The following DIP2A variants were observed in gnomAD, a reference collection of about 807,000 sequenced individuals.
The protein encoded by DIP2A is disco-interacting protein 2 homolog A.
Under a neutral mutation model 177.4 loss-of-function variants are expected in DIP2A, and 85 were observed. That is an observed-to-expected ratio of 0.48 (90% CI 0.40 to 0.57). The LOEUF is 0.57. Ranked by LOEUF, DIP2A falls within the 20% of genes least tolerant of loss-of-function variation. DIP2A has a pLI of 0.00. For missense variants in DIP2A, 1,791 were observed against 2,100.2 expected (o/e 0.85, Z 2.88); for synonymous variants, 886 against 881.8 (o/e 1.00, Z -0.08).
intron 21 of DIP2A, among the ~76,000 whole-genome samples, chr21:46,548,716 T>G (rs189575636): frequency 9.2e-5 from 14 of 151,756 alleles, no homozygotes; most frequent in Admixed American, 7.2e-4. Context: ...GGTGTCCAGA[T>G]AGCAGACTCA....
At chr21:46,491,789 C>G (rs2057031657) in intron 3 of DIP2A, among the ~76,000 whole-genome samples, 1 of 152,208 alleles carries the variant, frequency 6.6e-6, no homozygotes, top group East Asian at 1.9e-4. Context: ...CTCCCCAACC[C>G]TGTTCCCTGC....
chr21:46,539,142 C>T (rs1037061081), intron 16 of DIP2A: 7 of 111,070 alleles, frequency 6.3e-5, no homozygotes, highest in African/African-American at 2.5e-4. Flanking sequence ...CTCTGGGGCC[C>T]AGGACTGTCC....
chr21:46,563,806 G>A lies in DIP2A; in HGVS notation c.4090-52G>A. 6.2e-7 allele frequency: 1 copy of A among 1,600,228 alleles called. No homozygotes were observed. The highest frequency in any genetic ancestry group is 8.5e-7 in the Non-Finnish European group (1 of 1,174,002). Reference sequence around the variant, plus strand: ...TTATTTTAATGTCACTGAATCAAGAGAGTCTCGTGTCATGTTTTCTTTAAC... The same window carrying A: ...TTATTTTAATGTCACTGAATCAAGAAAGTCTCGTGTCATGTTTTCTTTAAC... On this transcript the variant is annotated intron_variant, in intron 34 of 37. Transcript: ENST00000417564. The surrounding 1 kb of genome is among the most constrained non-coding windows in gnomAD (Gnocchi z 4.3).
chr21:46,484,811 A>G lies in DIP2A; in HGVS notation c.146A>G (p.Tyr49Cys), dbSNP rs756236572. 2.5e-6 allele frequency: 4 copies of G among 1,585,580 alleles called. No individual in the cohort carries two copies. Among genetic ancestry groups the G allele is most frequent in the Non-Finnish European group, 3.4e-6 (4 of 1,165,470 alleles). ...AAAAGGGCAAAGCTGCTTGCACGTT[A>G]TATACCGCTTATTCAAGGTAAGGTC... ...EKKRAKLLAR[Y>C]IPLIQGIDPS... Residue 49 changes from tyrosine to cysteine, a missense_variant, in exon 2 of 38, where the codon TAT (tyrosine) becomes TGT (cysteine). Tyr to Cys is a radical substitution (Grantham distance 194). Coordinates refer to ENST00000417564, the MANE Select transcript of DIP2A (RefSeq NM_015151.4).
chr21:46,469,077 C>G (rs1282824306), intron 1 of DIP2A: 2 of 152,156 alleles, frequency 1.3e-5, no homozygotes, highest in African/African-American at 4.8e-5. Flanking sequence ...CATTGTATCA[C>G]TCTTGTAGGA....
chr21:46,459,745 C>A (rs1331351641), intron 1 of DIP2A, among the ~76,000 whole-genome samples: 2 of 151,728 alleles, frequency 1.3e-5, no homozygotes, highest in Admixed American at 1.3e-4. Context: ...CCAGGCCCTT[C>A]ACACCTGGGA....
Position 46,537,127 on chromosome 21 carries a change from A to G in DIP2A, c.1643-97A>G. 1 of 1,143,228 alleles carries G rather than the reference A, an allele frequency of 8.7e-7. No homozygotes were observed. The highest frequency in any genetic ancestry group is 1.9e-4 in the Middle Eastern group (1 of 5,170). 70.8% of individuals were successfully genotyped at this position (1,143,228 alleles called of 1,614,324 possible). A position where few individuals can be genotyped will look rare whatever the true frequency, so the allele number is the denominator to read the frequency against. Reference sequence around the variant, plus strand: ...TGCTGTATCTGTTCCTGAAACTTACATGTTGATGACGTACTCACCTCAGAA... The same window carrying G: ...TGCTGTATCTGTTCCTGAAACTTACGTGTTGATGACGTACTCACCTCAGAA... On this transcript the variant is annotated intron_variant, in intron 13 of 37. Transcript: ENST00000417564. The surrounding 1 kb of genome is among the most constrained non-coding windows in gnomAD (Gnocchi z 4.1).
intron 1 of DIP2A, among the ~76,000 whole-genome samples, chr21:46,467,190 G>A (rs1318223334): frequency 6.6e-6 from 1 of 151,334 alleles, no homozygotes; most frequent in African/African-American, 2.4e-5. Context: ...CAGCTGCTCG[G>A]GAGGCTGAGG....
intron 25 of DIP2A, among the ~76,000 whole-genome samples, chr21:46,552,349 C>A (rs2148873460): frequency 6.6e-6 from 1 of 152,308 alleles, no homozygotes; most frequent in Non-Finnish European, 1.5e-5. Context: ...CTGCCCTGCT[C>A]CTGCTGCTGA....
In DIP2A at chr21:46,498,086, G is replaced by C. The variant is rs1038888166; in HGVS notation, c.404-496G>C. ...CCCTGAAAGGATGCATGTAGACAGG[G>C]CTGCGGTTCTCCCATGGCCACCATG... On this transcript the variant is annotated intron_variant, in intron 4 of 37. Transcript: ENST00000417564. The surrounding 1 kb of genome is among the most constrained non-coding windows in gnomAD (Gnocchi z 4.3). Among the ~76,000 whole-genome samples, 1 of 152,186 alleles carries C rather than the reference G, an allele frequency of 6.6e-6. No homozygotes were observed. The highest frequency in any genetic ancestry group is 1.5e-5 in the Non-Finnish European group (1 of 68,038).
intron 1 of DIP2A, among the ~76,000 whole-genome samples, chr21:46,477,131 G>A (rs1222553981): frequency 1.3e-5 from 2 of 152,114 alleles, no homozygotes; most frequent in Non-Finnish European, 2.9e-5. Flanking sequence ...ACCTCCAGTA[G>A]GACCGGTCCG....
At chr21:46,573,138 T>TA (rs111679229), downstream of DIP2A, among the ~76,000 whole-genome samples, 12 of 150,356 alleles carry the variant, frequency 8.0e-5, no homozygotes, top group South Asian at 2.1e-4. Flanking sequence ...AATGTTTCAT[T>TA]AAAAAAAAAC....
At chr21:46,580,503 A>C in the DIP2A span, among the ~76,000 whole-genome samples, 15 of 152,228 alleles carry the variant, frequency 9.9e-5, no homozygotes, top group Non-Finnish European at 1.5e-4. Flanking sequence ...CTAGCTGGTT[A>C]TTTTGCAGAC....
chr21:46,542,234 A>C (rs1305448796), intron 18 of DIP2A, among the ~76,000 whole-genome samples: 1 of 152,226 alleles, frequency 6.6e-6, no homozygotes, highest in Non-Finnish European at 1.5e-5. Context: ...CTAAAATATA[A>C]AGATGTGTAT....
chr21:46,498,576 C>A lies in DIP2A; in HGVS notation c.404-6C>A, dbSNP rs1417359772. ...ATCATGCCTGTCATCGTTATTTTAA[C>A]CACAGACACGTCGTCTGCCTCAGAA... On this transcript the variant is annotated splice_polypyrimidine_tract_variant and splice_region_variant and intron_variant, in intron 4 of 37. Coordinates refer to ENST00000417564, the MANE Select transcript of DIP2A (RefSeq NM_015151.4). The surrounding 1 kb of genome is among the most constrained non-coding windows in gnomAD (Gnocchi z 4.3). 1 of 1,600,788 alleles carries A rather than the reference C, an allele frequency of 6.2e-7. No homozygotes were observed. Among genetic ancestry groups the A allele is most frequent in the Non-Finnish European group, 8.5e-7 (1 of 1,171,734 alleles).
chr21:46,573,640 T>C, downstream of DIP2A, among the ~76,000 whole-genome samples: 1 of 55,220 alleles, frequency 1.8e-5, no homozygotes, highest in African/African-American at 7.9e-5. Context: ...TAAGACCCTC[T>C]CTCACAAAAA....
chr21:46,554,791 G>A (rs746511168), intron 27 of DIP2A, 31 bp from the exon 28 acceptor site: 111 of 1,186,330 alleles, frequency 9.4e-5, no homozygotes, highest in South Asian at 3.7e-4. Context: ...GAGAGGCCCC[G>A]CCCACCCACC....
intron 26 of DIP2A, 56 bp from the exon 27 acceptor site, chr21:46,554,519 G>A: frequency 6.3e-7 from 1 of 1,593,670 alleles, no homozygotes. Context: ...AGTGAACAGA[G>A]GCTGGTGGGA....
rs778555411 is a variant in DIP2A, at chr21:46,565,839, G to A, written c.4291G>A (p.Gly1431Ser). 4.3e-6 allele frequency: 7 copies of A among 1,613,868 alleles called. No homozygotes were observed. Among genetic ancestry groups the A allele is most frequent in the East Asian group, 4.5e-5 (2 of 44,872 alleles). The change falls in exon 36 of 38, where the codon GGC becomes AGC. Residue 1431 changes from glycine to serine, a missense_variant. Physicochemically the swap from Gly to Ser is moderately conservative, Grantham distance 56. Coordinates refer to ENST00000417564, the MANE Select transcript of DIP2A (RefSeq NM_015151.4). ...CACACAGACCATCTGGGCAAGGACC[G>A]GCTACCTTGGCTTCCTTCGGCGAAC... The part of the protein sequence containing the change: ...GDTQTIWART[G>S]YLGFLRRTEL...
Sources: allele counts gnomAD v4.1 joint callset (sites outside exome capture counted in the v4.1 genomes callset), GRCh38; gene constraint gnomAD v4.1.1; non-coding constraint Gnocchi (gnomAD v3.1); transcripts MANE v1.5; gene names NCBI Gene and HGNC (gene_info 2026-07-23, HGNC 2026-07-21).